The following PLEC variants were observed in gnomAD, a reference collection of about 807,000 sequenced individuals.
PLEC encodes hemidesmosomal protein 1.
Under a neutral mutation model 392.8 loss-of-function variants are expected in PLEC, and 216 were observed. The ratio of observed to expected loss-of-function variants is 0.55; its 90% CI spans 0.49 to 0.62. PLEC has a LOEUF of 0.62. Among genes scored for constraint, PLEC ranks in the 20% least tolerant of loss-of-function variants. PLEC has a pLI of 0.00. For missense variants in PLEC, 6,863 were observed against 6,563.4 expected (o/e 1.05, Z -1.58); for synonymous variants, 3,621 against 2,980.6 (o/e 1.21, Z -7.00).
Position 143,927,716 on chromosome 8 carries a change from C to G in PLEC, c.3450G>C (p.Arg1150=). The part of the protein sequence containing the change: ...EAQQPTFDAL[R]DELRGAQEVG... ...CCTCCTGTGCCCCCCGCAGCTCATC[C>G]CGCAGGGCGTCGAACGTGGGCTGCT... The change falls in exon 27 of 32, where the codon CGG becomes CGC. Residue 1150 remains arginine (R), a synonymous_variant. Coordinates refer to ENST00000345136, the MANE Select transcript of PLEC (RefSeq NM_201384.3). The G allele has an allele frequency of 6.3e-7, 1 of 1,591,324 alleles. No homozygotes were observed. The highest frequency in any genetic ancestry group is 1.1e-5 in the South Asian group (1 of 88,556).
At position 143,934,524 on chromosome 8, in the gene PLEC, C is replaced by A. The variant is rs1260468066; in HGVS notation, c.1042-79G>T. The A allele has an allele frequency of 1.9e-6, 3 of 1,601,958 alleles. No individual in the cohort carries two copies. In the African/African-American group the frequency reaches 4.0e-5, roughly 21 times the overall value. On this transcript the variant is annotated intron_variant, in intron 10 of 31. Transcript: ENST00000345136. Reference sequence around the variant, plus strand: ...GCTGGGCCTTCAGACCCCAGCCCACCAGACCTGGGACAGCCCTGGTCCCAA... The same window carrying A: ...GCTGGGCCTTCAGACCCCAGCCCACAAGACCTGGGACAGCCCTGGTCCCAA...
rs201588551 is a variant in PLEC, at chr8:143,923,961, C to T, written c.5968G>A (p.Val1990Met). 2.3e-4 allele frequency: 366 copies of T among 1,592,722 alleles called. No individual in the cohort carries two copies. The highest frequency in any genetic ancestry group is 3.8e-4 in the South Asian group (34 of 90,366). The change falls in exon 31 of 32, where the codon GTG (valine) becomes ATG (methionine). Residue 1990 changes from valine (V) to methionine (M), a missense_variant. By Grantham distance (21) the Val-to-Met change is conservative. Coordinates refer to ENST00000345136, the MANE Select transcript of PLEC (RefSeq NM_201384.3). ...TCCTCGGCCGCCAGGCTCTTCTGCA[C>T]GCGCTCCTCAGCCTCACGGCGCCGC... ...ERRRREAEER[V>M]QKSLAAEEEA...
Position 143,923,517 on chromosome 8 carries a change from G to A in PLEC, c.6412C>T (p.Leu2138=), listed in dbSNP as rs782550185. The part of the protein sequence containing the change: ...RAQAQAAAEK[L]RKEAEQEAAR... ...GCCTCTTGCTCGGCCTCCTTGCGCA[G>A]CTTCTCTGCAGCCGCCTGTGCCTGA... Residue 2138 remains leucine, a synonymous_variant, in exon 31 of 32, where the codon CTG becomes TTG. Coordinates refer to ENST00000345136, the MANE Select transcript of PLEC (RefSeq NM_201384.3). 5.6e-6 allele frequency: 9 copies of A among 1,595,176 alleles called. No homozygotes were observed. Among genetic ancestry groups the A allele is most frequent in the Non-Finnish European group, 6.8e-6 (8 of 1,174,478 alleles).
In PLEC at chr8:143,918,576, G is replaced by A. The variant is rs782492178; in HGVS notation, c.11245C>T (p.Arg3749Trp). The A allele has an allele frequency of 1.1e-5, 17 of 1,611,686 alleles. No individual in the cohort carries two copies. Among genetic ancestry groups the A allele is most frequent in the East Asian group, 4.5e-5 (2 of 44,868 alleles). The change falls in exon 32 of 32, where the codon CGG (arginine) becomes TGG (tryptophan). Residue 3749 changes from arginine (R) to tryptophan (W), a missense_variant. Transcript: ENST00000345136. The part of the protein sequence containing the change: ...GERLTVDEAV[R>W]KGLVGPELHD... ...AGCTCGGGCCCCACGAGGCCCTTCCGCACAGCCTCATCCACAGTCAGCCGC... is the reference window on the plus strand; with the variant it reads ...AGCTCGGGCCCCACGAGGCCCTTCCACACAGCCTCATCCACAGTCAGCCGC...
chr8:143,920,151 G>A lies in PLEC; in HGVS notation c.9670C>T (p.Leu3224Phe), dbSNP rs2857804. ...EKAARARQEE[L>F]YSELQARETF... Reference sequence around the variant, plus strand: ...TCACGGGCCTGCAGCTCTGAGTAGAGCTCCTCCTGCCGGGCCCGAGCAGCC... The same window carrying A: ...TCACGGGCCTGCAGCTCTGAGTAGAACTCCTCCTGCCGGGCCCGAGCAGCC... Residue 3224 changes from leucine to phenylalanine, a missense_variant, in exon 32 of 32, where the codon CTC becomes TTC. Leu to Phe is a conservative substitution (Grantham distance 22). Coordinates refer to ENST00000345136, the MANE Select transcript of PLEC (RefSeq NM_201384.3). 6 of 1,612,550 alleles carry A rather than the reference G, an allele frequency of 3.7e-6. No individual in the cohort carries two copies. Among genetic ancestry groups the A allele is most frequent in the Non-Finnish European group, 5.1e-6 (6 of 1,180,028 alleles).
At chr8:143,933,953 C>A in intron 12 of PLEC, 45 bp downstream of exon 12, 1 of 1,526,238 alleles carries the variant, frequency 6.6e-7, no homozygotes, top group African/African-American at 1.4e-5. Context: ...GGGGCAGGCT[C>A]CTCCGGCCTC....
upstream of PLEC, chr8:143,943,696 G>C: frequency 2.3e-6 from 3 of 1,290,236 alleles, no homozygotes; most frequent in Non-Finnish European, 3.3e-6. Context: ...ACAGGAAGGG[G>C]AGGGCGCAGG....
chr8:143,953,983 C>G (rs969527473), upstream of PLEC: 524 of 1,256,822 alleles, frequency 4.2e-4, 2 homozygotes, highest in Non-Finnish European at 5.0e-4. Context: ...TCCCCCCCAG[C>G]CTGTGGTTCT....
rs149394457 is a variant in PLEC at position 143,965,399 on chromosome 8, C to T, written c.70+8004G>A. 1.1e-4 allele frequency among the ~76,000 whole-genome samples: 16 copies of T among 152,356 alleles called. No homozygotes were observed. In the East Asian group the frequency reaches 1.7e-3, roughly 17 times the overall value. On this transcript the variant is annotated intron_variant, in intron 1 of 31. Coordinates refer to the PLEC transcript ENST00000356346. ...TTCCCAGCTGGCACCCTCCTTCCAC[C>T]GTCTGAACGCGTGTTCCCAACTCCC...
Position 143,932,916 on chromosome 8 carries a change from A to G in PLEC, c.1614T>C (p.Arg538=). 6.2e-7 allele frequency: 1 copy of G among 1,612,560 alleles called. No homozygotes were observed. The highest frequency in any genetic ancestry group is 8.5e-7 in the Non-Finnish European group (1 of 1,179,898). The change falls in exon 14 of 32, where the codon CGT becomes CGC. Residue 538 remains arginine (R), a synonymous_variant. Coordinates refer to ENST00000345136, the MANE Select transcript of PLEC (RefSeq NM_201384.3). ...CCACACCCCACTCAGCGCCATCCACACGGTGCTGGTTCTCCTCCACCCAGG... is the reference window on the plus strand; with the variant it reads ...CCACACCCCACTCAGCGCCATCCACGCGGTGCTGGTTCTCCTCCACCCAGG... The part of the protein sequence containing the change: ...LLAWVEENQH[R]VDGAEWGVDL...
chr8:143,934,751 G>A lies in PLEC; in HGVS notation c.946-21C>T, dbSNP rs201609620. 4.3e-5 allele frequency: 69 copies of A among 1,612,158 alleles called. No individual in the cohort carries two copies. In the African/African-American group the frequency reaches 4.9e-4, roughly 12 times the overall value. ...AGGATCTGCCAGGGACGAGGCTGTC[G>A]GCAACCACGCCGGGCTCTCAGGGCA... is the stretch of plus-strand genomic sequence containing the variant. On this transcript the variant is annotated intron_variant, in intron 9 of 31. Coordinates refer to ENST00000345136, the MANE Select transcript of PLEC (RefSeq NM_201384.3).
upstream of PLEC, among the ~76,000 whole-genome samples, chr8:143,953,022 G>GCAGCAC (rs1832354709): frequency 1.1e-5 from 1 of 90,612 alleles, no homozygotes; most frequent in Non-Finnish European, 2.2e-5. Flanking sequence ...CACACCTCCT[G>GCAGCAC]CAGCACACAC....
intron 16 of PLEC, 58 bp from the exon 17 acceptor site, chr8:143,932,292 C>A: frequency 6.2e-7 from 1 of 1,607,752 alleles, no homozygotes; most frequent in Non-Finnish European, 8.5e-7. Context: ...CTGCCACGCT[C>A]CCAGCAAACT....
Position 143,925,148 on chromosome 8 carries a change from C to T in PLEC, c.4781G>A (p.Arg1594His), listed in dbSNP as rs564954644. The T allele has an allele frequency of 3.6e-5, 56 of 1,558,156 alleles. No homozygotes were observed. In the East Asian group the frequency reaches 6.4e-4, roughly 18 times the overall value. The change falls in exon 31 of 32, where the codon CGC (arginine) becomes CAC (histidine). Residue 1594 changes from arginine (R) to histidine (H), a missense_variant. Transcript: ENST00000345136. The part of the protein sequence containing the change: ...SFAEKTAQLE[R>H]SLQEEHVAVA... ...AGCCACGTGTTCCTCCTGCAGGGAG[C>T]GCTCCAGCTGTGCCGTCTTCTCGGC...
At position 143,921,397 on chromosome 8, in the gene PLEC, G is replaced by A. The variant is rs2131163043; in HGVS notation, c.8424C>T (p.Ala2808=). ...CGATAACGCCGCCCGTGGCGATCTG[G>A]GCCTCCAGCAGGCGGATGCCGTGCT... ...VREHGIRLLE[A]QIATGGVIDP... is the part of the protein sequence containing the mutation. Residue 2808 remains alanine (A), a synonymous_variant, in exon 32 of 32, where the codon GCC becomes GCT. Coordinates refer to ENST00000345136, the MANE Select transcript of PLEC (RefSeq NM_201384.3). 4 of 1,613,368 alleles carry A rather than the reference G, an allele frequency of 2.5e-6. No individual in the cohort carries two copies. Among genetic ancestry groups the A allele is most frequent in the Non-Finnish European group, 3.4e-6 (4 of 1,179,804 alleles).
rs782319175 is a variant in PLEC, at chr8:143,923,229, G to A, written c.6700C>T (p.Arg2234Cys). 1.4e-5 allele frequency: 23 copies of A among 1,603,300 alleles called. No individual in the cohort carries two copies. The highest frequency in any genetic ancestry group is 1.4e-5 in the Non-Finnish European group (17 of 1,179,886). Residue 2234 changes from arginine to cysteine, a missense_variant, in exon 31 of 32, where the codon CGC (arginine) becomes TGC (cysteine). Arg to Cys is a radical substitution (Grantham distance 180). Coordinates refer to ENST00000345136, the MANE Select transcript of PLEC (RefSeq NM_201384.3). ...TTGCTCAGCTCCTCCATCTGCACGC[G>A]CACCGAGAAGAGCTCCTCCTCCACC... ...SQVEEELFSVRVQMEELSKLK... is the reference protein window; with the variant it reads ...SQVEEELFSVCVQMEELSKLK...
chr8:143,952,991 AC>A (rs782052155), upstream of PLEC, among the ~76,000 whole-genome samples: 35 of 28,280 alleles, frequency 1.2e-3, no homozygotes, highest in African/African-American at 3.1e-3. Flanking sequence ...GGCATGCGCC[AC>A]CCCCCCCCGC....
chr8:143,947,802 C>G (rs983094277), intron 1 of PLEC, among the ~76,000 whole-genome samples: 11 of 152,190 alleles, frequency 7.2e-5, no homozygotes, highest in Non-Finnish European at 1.6e-4. Flanking sequence ...CATATAAAAA[C>G]ACATTCCTAC....
At position 143,934,894 on chromosome 8, in the gene PLEC, C is replaced by T. The variant is rs782064078; in HGVS notation, c.861G>A (p.Leu287=). 6.2e-7 allele frequency: 1 copy of T among 1,611,386 alleles called. No homozygotes were observed. The highest frequency in any genetic ancestry group is 1.7e-5 in the Admixed American group (1 of 60,002). Reference sequence around the variant, plus strand: ...GCATCCACTGAAGCAGCAGCAGCACCAGCTCCCGGTACTCCTGCCAGCGCA... The same window carrying T: ...GCATCCACTGAAGCAGCAGCAGCACTAGCTCCCGGTACTCCTGCCAGCGCA... ...LQLRWQEYRE[L]VLLLLQWMRH... Residue 287 remains leucine (L), a synonymous_variant, in exon 9 of 32, where the codon CTG becomes CTA. Transcript: ENST00000345136.
Sources: gnomAD v4.1 joint callset for allele counts (sites outside exome capture counted in the v4.1 genomes callset) on GRCh38, gnomAD v4.1.1 for gene constraint, MANE v1.5 for transcripts, NCBI Gene and HGNC (gene_info 2026-07-23, HGNC 2026-07-21) for gene names.